The following THADA variants were observed in gnomAD, a reference collection of about 807,000 sequenced individuals.
THADA encodes tRNA (32-2'-O)-methyltransferase regulator THADA.
THADA carries 213 observed loss-of-function variants against 219.8 expected under a neutral mutation model. The ratio of observed to expected loss-of-function variants is 0.97; its 90% confidence interval spans 0.87 to 1.09. The LOEUF (loss-of-function observed/expected upper bound fraction) is 1.09, where lower values mean the gene tolerates loss of function less well. Among genes scored for constraint, THADA ranks in the 50% least tolerant of loss-of-function variants. The probability of loss-of-function intolerance (pLI) is 0.00; values close to 1 mark genes in which losing one functional copy is unlikely to be tolerated. For missense variants in THADA, 2,956 were observed against 2,311.3 expected (o/e 1.28, Z -5.72); for synonymous variants, 1,018 against 828.9 (o/e 1.23, Z -3.92).
At position 43,399,753 on chromosome 2, in the gene THADA, C is replaced by T. The variant is rs562765024; in HGVS notation, c.4059-1614G>A. Among the ~76,000 whole-genome samples, 5 of 152,216 alleles carry T rather than the reference C, an allele frequency of 3.3e-5. No homozygotes were observed. The South Asian group carries it at 6.2e-4, about 19-fold the overall frequency. ...ACAGTTCCCAAAACTCATCCATTTT[C>T]TCACTTATTCTTTTTAAGTGATTAA... On this transcript the variant is annotated intron_variant, in intron 28 of 37. Transcript: ENST00000405975.
intron 25 of THADA, among the ~76,000 whole-genome samples, chr2:43,490,737 T>C (rs1687526057): frequency 1.3e-5 from 2 of 152,186 alleles, no homozygotes; most frequent in South Asian, 4.1e-4. Flanking sequence ...TTGTTATAAT[T>C]GTTATCTCTT....
chr2:43,318,027 A>ATATTT (rs951856880), intron 31 of THADA, among the ~76,000 whole-genome samples: 18 of 152,006 alleles, frequency 1.2e-4, no homozygotes, highest in African/African-American at 2.9e-4. Flanking sequence ...TCTAGTTGCC[A>ATATTT]TATTTTATTT....
intron 15 of THADA, chr2:43,564,855 C>T (rs1354795200): frequency 2.0e-5 from 3 of 152,080 alleles, no homozygotes; most frequent in Non-Finnish European, 4.4e-5. Context: ...ACATATTCTT[C>T]CAAAATGTTA....
At chr2:43,472,570 A>G (rs1338419847) in intron 26 of THADA, among the ~76,000 whole-genome samples, 1 of 152,204 alleles carries the variant, frequency 6.6e-6, no homozygotes. Context: ...GTTTCTGGGG[A>G]AAACCGGGCA....
At chr2:43,510,773 C>T (rs543775580) in intron 22 of THADA, among the ~76,000 whole-genome samples, 8 of 151,366 alleles carry the variant, frequency 5.3e-5, no homozygotes, top group Non-Finnish European at 1.2e-4. Flanking sequence ...GAGTTCAAGA[C>T]CACCTTGGCC....
chr2:43,505,575 AC>A (rs1311424583), intron 24 of THADA, 46 bp downstream of exon 24: 2 of 1,412,942 alleles, frequency 1.4e-6, no homozygotes, highest in African/African-American at 2.9e-5. Flanking sequence ...GAAAAACAAA[AC>A]AAAACAAAAA....
chr2:43,376,986 T>A (rs1055074754), intron 29 of THADA, among the ~76,000 whole-genome samples: 2 of 152,176 alleles, frequency 1.3e-5, no homozygotes, highest in Admixed American at 1.3e-4. Context: ...AGGTCTGTTT[T>A]CCCATTCATG....
In THADA at chr2:43,574,990, T is replaced by C. The variant is rs769289194; in HGVS notation, c.1075A>G (p.Ile359Val). The change falls in exon 11 of 38, where the codon ATC becomes GTC. Residue 359 changes from isoleucine to valine, a missense_variant. Physicochemically the swap from Ile to Val is conservative, Grantham distance 29 (BLOSUM62 3). Coordinates refer to ENST00000405975, the MANE Select transcript of THADA (RefSeq NM_022065.5). Reference sequence around the variant, plus strand: ...GCTGAATTAGTCCAGGATGCTAAGATTCTAGACAGAAACATTTCCAGCGTT... The same window carrying C: ...GCTGAATTAGTCCAGGATGCTAAGACTCTAGACAGAAACATTTCCAGCGTT... ...EPTLEMFLSRILASWTNSAIQ... is the reference protein window; with the variant it reads ...EPTLEMFLSRVLASWTNSAIQ... The C allele has an allele frequency of 1.2e-6, 2 of 1,613,222 alleles. No individual in the cohort carries two copies. Among genetic ancestry groups the C allele is most frequent in the Admixed American group, 1.7e-5 (1 of 59,916 alleles).
chr2:43,335,713 C>G (rs1388163970), intron 30 of THADA, among the ~76,000 whole-genome samples: 1 of 149,862 alleles, frequency 6.7e-6, no homozygotes, highest in African/African-American at 2.5e-5. Flanking sequence ...AATGCCAGCA[C>G]TTTGGGAGGC....
intron 29 of THADA, among the ~76,000 whole-genome samples, chr2:43,355,182 T>C (rs142598886): frequency 6.6e-6 from 1 of 152,314 alleles, no homozygotes; most frequent in Non-Finnish European, 1.5e-5. Context: ...TTATGAACAG[T>C]GCTGTAATAA....
chr2:43,246,585 C>G (rs1239004620), intron 36 of THADA, among the ~76,000 whole-genome samples: 1 of 152,122 alleles, frequency 6.6e-6, no homozygotes, highest in Non-Finnish European at 1.5e-5. Flanking sequence ...TAGGCCTTTA[C>G]AGCTCTAAAT....
At chr2:43,312,252 T>C (rs943818953) in intron 31 of THADA, among the ~76,000 whole-genome samples, 2 of 151,518 alleles carry the variant, frequency 1.3e-5, no homozygotes, top group Non-Finnish European at 2.9e-5. Flanking sequence ...GAGACCCTAG[T>C]TGTTGACTAG....
intron 28 of THADA, among the ~76,000 whole-genome samples, chr2:43,420,285 G>A (rs940445651): frequency 1.6e-4 from 24 of 152,154 alleles, no homozygotes; most frequent in Non-Finnish European, 2.5e-4. Context: ...ACGGTATCAG[G>A]TTCACAAGCA....
At position 43,574,433 on chromosome 2, in the gene THADA, G is replaced by A. The variant is rs747673618; in HGVS notation, c.1632C>T (p.Tyr544=). ...ATTTTGGCAAGTAATAATCAATCACGTAAGATTTTTGATCCAAGTTTCCTT... is the reference window on the plus strand; with the variant it reads ...ATTTTGGCAAGTAATAATCAATCACATAAGATTTTTGATCCAAGTTTCCTT... ...LCEGNLDQKS[Y]VIDYYLPKLL... Residue 544 remains tyrosine (Y), a synonymous_variant, in exon 11 of 38, where the codon TAC becomes TAT. Coordinates refer to ENST00000405975, the MANE Select transcript of THADA (RefSeq NM_022065.5). The A allele has an allele frequency of 1.4e-5, 22 of 1,611,976 alleles. No homozygotes were observed. Among genetic ancestry groups the A allele is most frequent in the Middle Eastern group, 1.6e-4 (1 of 6,084 alleles).
chr2:43,264,191 A>C (rs1415989242), intron 36 of THADA, among the ~76,000 whole-genome samples: 2 of 151,858 alleles, frequency 1.3e-5, no homozygotes, highest in Non-Finnish European at 2.9e-5. Flanking sequence ...TGTGAAATAG[A>C]GTGAAAAGAA....
chr2:43,396,154 A>G (rs1032742037), intron 29 of THADA, among the ~76,000 whole-genome samples: 5 of 152,188 alleles, frequency 3.3e-5, no homozygotes, highest in Admixed American at 6.5e-5. Flanking sequence ...ACAAATTTGA[A>G]AACTGCCAAC....
At position 43,574,499 on chromosome 2, in the gene THADA, C is replaced by T. The variant is rs764120566; in HGVS notation, c.1566G>A (p.Trp522Ter). Reference protein sequence around the residue: ...QTAESSWIDQWHETWVSPLLF... With the variant: ...QTAESSWIDQ Reference sequence around the variant, plus strand: ...GGAGAGGAGAAACCCAAGTCTCATGCCACTGGTCAATCCAAGAACTCTCAG... The same window carrying T: ...GGAGAGGAGAAACCCAAGTCTCATGTCACTGGTCAATCCAAGAACTCTCAG... Residue 522 changes from tryptophan to a stop codon, truncating the protein, a stop_gained, in exon 11 of 38, where the codon TGG (tryptophan) becomes TGA (stop). Transcript: ENST00000405975. LOFTEE classifies it high-confidence loss of function. 1.2e-6 allele frequency: 2 copies of T among 1,613,904 alleles called. No individual in the cohort carries two copies. Among genetic ancestry groups the T allele is most frequent in the Non-Finnish European group, 1.7e-6 (2 of 1,179,870 alleles).
At chr2:43,536,933 C>T (rs1286944015) in intron 21 of THADA, among the ~76,000 whole-genome samples, 1 of 152,044 alleles carries the variant, frequency 6.6e-6, no homozygotes, top group Non-Finnish European at 1.5e-5. Context: ...CAGTAAATGT[C>T]CATTTTATTT....
chr2:43,413,656 C>G lies in THADA; in HGVS notation c.4058+14444G>C, dbSNP rs542999125. ...TCATTTGTAGAAAGAGAGTGGCTATCATGGTTCAGAGTCAATCATTTTCAA... is the reference window on the plus strand; with the variant it reads ...TCATTTGTAGAAAGAGAGTGGCTATGATGGTTCAGAGTCAATCATTTTCAA... On this transcript the variant is annotated intron_variant, in intron 28 of 37. Transcript: ENST00000405975. Among the ~76,000 whole-genome samples, 6 of 152,276 alleles carry G rather than the reference C, an allele frequency of 3.9e-5. No individual in the cohort carries two copies. The East Asian group carries it at 1.2e-3, about 29-fold the overall frequency.
Sources: gnomAD v4.1 joint callset for allele counts (sites outside exome capture counted in the v4.1 genomes callset) on GRCh38, gnomAD v4.1.1 for gene constraint, MANE v1.5 for transcripts, NCBI Gene and HGNC (gene_info 2026-07-23, HGNC 2026-07-21) for gene names.